The following SCG3 variants were observed in gnomAD, a reference collection of about 807,000 sequenced individuals.
SCG3 encodes the protein secretogranin III.
A neutral mutation model predicts 56.2 loss-of-function variants in SCG3; 38 were observed. That is an observed-to-expected ratio of 0.68 (90% CI 0.52 to 0.89). The LOEUF is 0.89. Among genes scored for constraint, SCG3 ranks in the 40% least tolerant of loss-of-function variants. The pLI is 0.00. For missense variants in SCG3, 524 were observed against 540.7 expected (o/e 0.97, Z 0.31); for synonymous variants, 176 against 184.2 (o/e 0.96, Z 0.36).
Position 51,685,918 on chromosome 15 carries a change from C to A in SCG3, c.398-2342C>A, listed in dbSNP as rs140680745. ...ATTGGACTATGAGGTAGACAATAAA[C>A]CCTGTGTAGTCAGGGAGCATGCCTA... is the stretch of plus-strand genomic sequence containing the variant. On this transcript the variant is annotated intron_variant, in intron 4 of 11. Transcript: ENST00000220478. Among the ~76,000 whole-genome samples the A allele has an allele frequency of 6.2e-4, 94 of 152,304 alleles. 1 individual carries two copies. Among genetic ancestry groups the A allele is most frequent in the South Asian group, 4.1e-3 (20 of 4,824 alleles).
chr15:51,717,859 T>C lies in SCG3; in HGVS notation c.1289-1549T>C, dbSNP rs149396627. On this transcript the variant is annotated intron_variant, in intron 11 of 11. Coordinates refer to ENST00000220478, the MANE Select transcript of SCG3 (RefSeq NM_013243.4). ...GATTGACAACCATGTAGGAATGTGA[T>C]TGGACAAAAAGGACATGGTCTAAAC... Among the ~76,000 whole-genome samples, 29 of 152,308 alleles carry C rather than the reference T, an allele frequency of 1.9e-4. No individual in the cohort carries two copies. The East Asian group carries it at 4.6e-3, about 24-fold the overall frequency.
At chr15:51,685,501 G>A (rs1038803018) in intron 4 of SCG3, among the ~76,000 whole-genome samples, 3 of 152,182 alleles carry the variant, frequency 2.0e-5, no homozygotes, top group Admixed American at 6.5e-5. Context: ...CAGGTTTACC[G>A]TAGGAGGTAT....
At chr15:51,689,094 C>T (rs2305716) in intron 5 of SCG3, 125 bp from the exon 6 acceptor site, 551,004 of 1,060,170 alleles carry the variant, frequency 0.52, 147,888 homozygotes, top group Non-Finnish European at 0.56. Flanking sequence ...TGAGGGCTGT[C>T]TGAAAGATGG....
intron 6 of SCG3, among the ~76,000 whole-genome samples, chr15:51,690,195 C>T (rs1222097421): frequency 6.6e-6 from 1 of 152,192 alleles, no homozygotes; most frequent in Non-Finnish European, 1.5e-5. Context: ...CCACCTGCTC[C>T]TTCCCCTTTT....
intron 8 of SCG3, among the ~76,000 whole-genome samples, chr15:51,698,481 C>A (rs925884279): frequency 1.3e-5 from 2 of 152,092 alleles, no homozygotes; most frequent in Non-Finnish European, 2.9e-5. Context: ...GGAAATGACC[C>A]CTAAGACTAC....
At chr15:51,708,846 G>A (rs992364107) in intron 10 of SCG3, among the ~76,000 whole-genome samples, 4 of 146,468 alleles carry the variant, frequency 2.7e-5, no homozygotes, top group Admixed American at 6.7e-5. Context: ...GTGACAGAAC[G>A]AGACTCCATC....
intron 11 of SCG3, among the ~76,000 whole-genome samples, chr15:51,716,636 TTC>T (rs1373367337): frequency 6.6e-6 from 1 of 152,204 alleles, no homozygotes; most frequent in Non-Finnish European, 1.5e-5. Flanking sequence ...CTTTCTCCTG[TTC>T]TCTCACTCAA....
chr15:51,694,988 G>A (rs989279906), intron 7 of SCG3, among the ~76,000 whole-genome samples: 8 of 150,624 alleles, frequency 5.3e-5, no homozygotes, highest in African/African-American at 1.7e-4. Flanking sequence ...CCGAGATGGT[G>A]CCACTGCACT....
At chr15:51,699,753 T>C (rs1478772192) in intron 9 of SCG3, among the ~76,000 whole-genome samples, 2 of 152,096 alleles carry the variant, frequency 1.3e-5, no homozygotes, top group Non-Finnish European at 2.9e-5. Flanking sequence ...TTCTCCAGAC[T>C]ACTGTCCCTG....
chr15:51,695,698 C>T (rs2055298161), intron 7 of SCG3, 177 bp from the exon 8 acceptor site: 1 of 551,098 alleles, frequency 1.8e-6, no homozygotes, highest in South Asian at 2.3e-5. Flanking sequence ...TGTAGTGAGC[C>T]ATGATCAGAC....
intron 10 of SCG3, among the ~76,000 whole-genome samples, chr15:51,703,222 A>T (rs1156746394): frequency 2.0e-5 from 3 of 152,206 alleles, no homozygotes; most frequent in Admixed American, 2.0e-4. Context: ...AAATTGGCCC[A>T]CTTAAAGGTT....
intron 9 of SCG3, 125 bp from the exon 10 acceptor site, chr15:51,700,982 C>A: frequency 8.2e-7 from 1 of 1,218,960 alleles, no homozygotes; most frequent in Non-Finnish European, 1.2e-6. Context: ...GCACTAAGAT[C>A]CCTTTCAACT....
chr15:51,707,046 A>G (rs1248213733), intron 10 of SCG3, among the ~76,000 whole-genome samples: 1 of 152,164 alleles, frequency 6.6e-6, no homozygotes, highest in African/African-American at 2.4e-5. Context: ...ACTTTATTTC[A>G]TTATCTAAGT....
intron 10 of SCG3, among the ~76,000 whole-genome samples, chr15:51,704,244 C>CATACATATATATATAT (rs751546589): frequency 0.012 from 854 of 73,416 alleles, 7 homozygotes; most frequent in South Asian, 0.025. Flanking sequence ...TACATACATA[C>CATACATATATATATAT]ATATATATAT....
chr15:51,718,317 C>G (rs1323667876), intron 11 of SCG3, among the ~76,000 whole-genome samples: 1 of 152,078 alleles, frequency 6.6e-6, no homozygotes, highest in Non-Finnish European at 1.5e-5. Context: ...GCTGGGATTT[C>G]CCTTTCAATC....
intron 6 of SCG3, 78 bp from the exon 7 acceptor site, chr15:51,692,081 C>T (rs2055270537): frequency 1.4e-6 from 2 of 1,391,374 alleles, no homozygotes; most frequent in East Asian, 4.6e-5. Flanking sequence ...TTAAGGGCAT[C>T]ACAAAGGAAG....
chr15:51,713,578 C>A (rs1478911664), intron 11 of SCG3, among the ~76,000 whole-genome samples, 165 bp downstream of exon 11: 1 of 152,178 alleles, frequency 6.6e-6, no homozygotes, highest in Non-Finnish European at 1.5e-5. Flanking sequence ...ACCTCCATTT[C>A]TCTTATTATT....
Position 51,683,373 on chromosome 15 carries a change from G to T in SCG3, c.336G>T (p.Lys112Asn), listed in dbSNP as rs138143932. The T allele has an allele frequency of 4.2e-5, 68 of 1,613,610 alleles. No homozygotes were observed. The highest frequency in any genetic ancestry group is 5.5e-5 in the Non-Finnish European group (65 of 1,179,788). ...KLNVEDVDSTKNRKLIDDYDS... is the reference protein window; with the variant it reads ...KLNVEDVDSTNNRKLIDDYDS... ...ATGTGGAAGATGTTGATTCAACCAA[G>T]AATCGAAAACTGATCGATGATTATG... Residue 112 changes from lysine (K) to asparagine (N), a missense_variant, in exon 4 of 12, where the codon AAG becomes AAT. Transcript: ENST00000220478.
In SCG3 at chr15:51,704,244, CATATATATATATATATATAT is replaced by C. The variant is rs750951935; in HGVS notation, c.1207+3016_1207+3035del. Among the ~76,000 whole-genome samples, 402 of 73,636 alleles carry C rather than the reference CATATATATATATATATATAT, an allele frequency of 5.5e-3. 9 individuals carry two copies. The highest frequency in any genetic ancestry group is 0.018 in the African/African-American group (377 of 20,984). 48.3% of individuals were successfully genotyped at this position (73,636 alleles called of 152,430 possible). The stretch of plus-strand genomic sequence containing the variant: ...ATATGTGTGTATACATACATACATA[CATATATATATATATATATAT>C]ATATATATATATATAAAATAGCTCT... On this transcript the variant is annotated intron_variant, in intron 10 of 11. Coordinates refer to ENST00000220478, the MANE Select transcript of SCG3 (RefSeq NM_013243.4).
Sources: allele counts gnomAD v4.1 joint callset (sites outside exome capture counted in the v4.1 genomes callset), GRCh38; gene constraint gnomAD v4.1.1; transcripts MANE v1.5; gene names NCBI Gene and HGNC (gene_info 2026-07-23, HGNC 2026-07-21).